Variants in ZBTB38 observed in about 807,000 individuals in gnomAD.
ZBTB38 encodes the protein zinc finger and BTB domain-containing protein 38.
Under a neutral mutation model 76.8 loss-of-function variants are expected in ZBTB38, and 20 were observed. The ratio of observed to expected loss-of-function variants is 0.26; its 90% CI spans 0.18 to 0.38. The LOEUF is 0.38. Ranked by LOEUF, ZBTB38 falls within the 10% of genes least tolerant of loss-of-function variation. ZBTB38 has a pLI of 1.00. For missense variants in ZBTB38, 1,082 were observed against 1,482.3 expected, an observed-to-expected ratio of 0.73 and a Z score of 4.43; for synonymous variants, 504 against 544.2, an observed-to-expected ratio of 0.93 and a Z score of 1.03.
chr3:141,424,847 G>T (rs1482725194), intron 5 of ZBTB38, among the ~76,000 whole-genome samples: 2 of 152,204 alleles, frequency 1.3e-5, no homozygotes, highest in Non-Finnish European at 2.9e-5. Context: ...TGGGGCCAAG[G>T]CTTAGCTAAT....
intron 1 of ZBTB38, among the ~76,000 whole-genome samples, chr3:141,347,419 G>T (rs1474549454): frequency 1.3e-5 from 2 of 152,288 alleles, no homozygotes; most frequent in South Asian, 2.1e-4. Flanking sequence ...AGCCATAGAG[G>T]CATGTACACA....
chr3:141,444,269 C>T lies in ZBTB38; in HGVS notation c.1881C>T (p.Asn627=), dbSNP rs2080788107. 6.2e-7 allele frequency: 1 copy of T among 1,614,130 alleles called. No individual in the cohort carries two copies. The highest frequency in any genetic ancestry group is 1.7e-5 in the Admixed American group (1 of 60,012). ...NFQDTVNTLT[N]SPAIPLETSA... is the part of the protein sequence containing the mutation. ...AAGATACTGTAAACACCCTGACCAA[C>T]AGTCCAGCCATCCCATTGGAAACAT... Residue 627 remains asparagine, a synonymous_variant, in exon 6 of 6, where the codon AAC becomes AAT. Transcript: ENST00000321464. This position sits in a 1 kb window ranked among gnomAD's most constrained non-coding sequence, Gnocchi z 5.1.
chr3:141,330,380 A>C (rs1257134378), intron 1 of ZBTB38, among the ~76,000 whole-genome samples: 1 of 152,204 alleles, frequency 6.6e-6, no homozygotes, highest in African/African-American at 2.4e-5. Flanking sequence ...TAGCAAGTCC[A>C]TTGCAACCCA....
chr3:141,392,617 C>T (rs1949220634), intron 4 of ZBTB38: 1 of 152,240 alleles, frequency 6.6e-6, no homozygotes, highest in Non-Finnish European at 1.5e-5. Flanking sequence ...ACCACCTTCC[C>T]GAGATGTCTT....
chr3:141,353,553 G>C (rs573049824), intron 1 of ZBTB38, among the ~76,000 whole-genome samples: 1 of 152,088 alleles, frequency 6.6e-6, no homozygotes, highest in Non-Finnish European at 1.5e-5. Flanking sequence ...AAGGGCATTG[G>C]GAAGGGGGGA....
At chr3:141,333,867 C>T (rs543665810) in intron 1 of ZBTB38, among the ~76,000 whole-genome samples, 2 of 152,326 alleles carry the variant, frequency 1.3e-5, no homozygotes, top group South Asian at 2.1e-4. Flanking sequence ...TAGTTTCTCC[C>T]TCACAGTGTG....
rs1297964642 is a variant in ZBTB38 at position 141,447,070 on chromosome 3, C to G, written c.*1094C>G. 1 of 152,504 alleles carries G rather than the reference C, an allele frequency of 6.6e-6. No individual in the cohort carries two copies. The highest frequency in any genetic ancestry group is 1.9e-4 in the East Asian group (1 of 5,188). The allele number at this position is 152,504 out of a possible 1,614,324, so 9.4% of individuals were successfully genotyped here. A position where few individuals can be genotyped will look rare whatever the true frequency, so the allele number is the denominator to read the frequency against. ...GCAAGGTACACTGCAGTAGTGAATT[C>G]CCAGGCACTTGAAAGTGACTGCCTA... is the stretch of plus-strand genomic sequence containing the variant. On this transcript the variant is annotated 3_prime_UTR_variant, in exon 6 of 6. Transcript: ENST00000321464.
chr3:141,374,376 G>A (rs772879746), intron 2 of ZBTB38, among the ~76,000 whole-genome samples: 30 of 152,142 alleles, frequency 2.0e-4, no homozygotes, highest in Non-Finnish European at 3.7e-4. Flanking sequence ...AGGAATGATG[G>A]ATGAGTCATC....
At chr3:141,387,754 T>C (rs1052497377) in intron 4 of ZBTB38, 1 of 152,242 alleles carries the variant, frequency 6.6e-6, no homozygotes, top group African/African-American at 2.4e-5. Context: ...CTGCGTATGA[T>C]TTTTGTGTGT....
Position 141,444,127 on chromosome 3 carries a change from G to A in ZBTB38, c.1739G>A (p.Ser580Asn), listed in dbSNP as rs769217827. Residue 580 changes from serine to asparagine, a missense_variant, in exon 6 of 6, where the codon AGC becomes AAC. Around this residue, in one of 8 missense-constraint regions of ZBTB38, gnomAD observed 471 missense variants for 581.0 expected, o/e 0.81. Coordinates refer to ENST00000321464, the MANE Select transcript of ZBTB38 (RefSeq NM_001376113.1). This position sits in a 1 kb window ranked among gnomAD's most constrained non-coding sequence, Gnocchi z 5.1. ...PMKCKRAPYK[S>N]YRNSSYENAR... The stretch of plus-strand genomic sequence containing the variant: ...AAATGCAAGAGAGCCCCTTATAAGA[G>A]CTACCGAAATTCTTCCTATGAAAAT... 4.3e-6 allele frequency: 7 copies of A among 1,613,902 alleles called. No homozygotes were observed. Among genetic ancestry groups the A allele is most frequent in the South Asian group, 1.1e-5 (1 of 91,078 alleles).
At chr3:141,412,906 C>G (rs1365807429) in intron 5 of ZBTB38, among the ~76,000 whole-genome samples, 1 of 152,048 alleles carries the variant, frequency 6.6e-6, no homozygotes, top group Non-Finnish European at 1.5e-5. Flanking sequence ...CTCTTTGTAC[C>G]TCAGACCTAC....
At chr3:141,425,548 G>T (rs1412785217) in intron 5 of ZBTB38, among the ~76,000 whole-genome samples, 1 of 152,222 alleles carries the variant, frequency 6.6e-6, no homozygotes, top group Non-Finnish European at 1.5e-5. Context: ...GGCAGGCACT[G>T]CAGCCCTGCA....
intron 1 of ZBTB38, among the ~76,000 whole-genome samples, chr3:141,350,601 G>C (rs1943488021): frequency 6.6e-6 from 1 of 152,076 alleles, no homozygotes; most frequent in Non-Finnish European, 1.5e-5. Flanking sequence ...TAATTCCTTG[G>C]TTTGCTGAAA....
At chr3:141,382,895 C>T (rs180747730) in intron 3 of ZBTB38, among the ~76,000 whole-genome samples, 33 of 152,224 alleles carry the variant, frequency 2.2e-4, no homozygotes, top group African/African-American at 6.7e-4. Flanking sequence ...GGAGTGTGGA[C>T]GTAGGAGGAA....
chr3:141,413,518 C>T lies in ZBTB38; in HGVS notation c.-1+9487C>T, dbSNP rs1296854308. 6.6e-6 allele frequency among the ~76,000 whole-genome samples: 1 copy of T among 152,150 alleles called. No individual in the cohort carries two copies. The highest frequency in any genetic ancestry group is 1.5e-5 in the Non-Finnish European group (1 of 68,020). The stretch of plus-strand genomic sequence containing the variant: ...ATGGTCCAGGCCCTATTTCTATGAT[C>T]TGTTTTTTGGAACTGTTGTATTTGT... On this transcript the variant is annotated intron_variant, in intron 5 of 5. Coordinates refer to ENST00000321464, the MANE Select transcript of ZBTB38 (RefSeq NM_001376113.1). This position sits in a 1 kb window ranked among gnomAD's most constrained non-coding sequence, Gnocchi z 4.1.
At chr3:141,328,665 C>T (rs1034571815) in intron 1 of ZBTB38, among the ~76,000 whole-genome samples, 2 of 152,174 alleles carry the variant, frequency 1.3e-5, no homozygotes, top group Non-Finnish European at 2.9e-5. Flanking sequence ...ACTCCCCACA[C>T]AGAGCGTCTC....
intron 4 of ZBTB38, among the ~76,000 whole-genome samples, chr3:141,399,587 C>G (rs961604314): frequency 2.6e-5 from 4 of 151,972 alleles, no homozygotes; most frequent in East Asian, 1.9e-4. Context: ...TTGGTGAGAA[C>G]CCAGGTTGAG....
chr3:141,352,494 G>C (rs182107081), intron 1 of ZBTB38, among the ~76,000 whole-genome samples: 1 of 152,202 alleles, frequency 6.6e-6, no homozygotes, highest in Admixed American at 6.5e-5. Context: ...GTTTAAGAGA[G>C]AGATGAGTAA....
intron 5 of ZBTB38, among the ~76,000 whole-genome samples, chr3:141,423,483 T>G (rs2075813363): frequency 6.6e-6 from 1 of 152,206 alleles, no homozygotes; most frequent in Admixed American, 6.5e-5. Context: ...AGATGCTAAT[T>G]AACTTGTACA....
Sources: gnomAD v4.1 joint callset for allele counts (sites outside exome capture counted in the v4.1 genomes callset) on GRCh38, gnomAD v4.1.1 for gene constraint, gnomAD v4.1.1 regional missense constraint, Gnocchi (gnomAD v3.1) non-coding constraint, MANE v1.5 for transcripts, NCBI Gene and HGNC (gene_info 2026-07-23, HGNC 2026-07-21) for gene names.